TAS2R1: variants seen among roughly 807,000 people sequenced by gnomAD.
The protein encoded by TAS2R1 is taste receptor type 2 member 1.
For synonymous variants in TAS2R1, 141 were observed against 134.2 expected (o/e 1.05, Z -0.35); for missense variants, 370 against 353.4 (o/e 1.05, Z -0.38).
intron 2 of TAS2R1, chr5:9,642,062 G>C (rs375093240): frequency 6.6e-6 from 1 of 152,342 alleles, no homozygotes; most frequent in South Asian, 2.1e-4. Flanking sequence ...TGAGGTAACT[G>C]ACAGGCGGAA....
the TAS2R1 span, among the ~76,000 whole-genome samples, chr5:9,734,078 C>T: frequency 6.6e-6 from 1 of 151,984 alleles, no homozygotes; most frequent in Non-Finnish European, 1.5e-5. Flanking sequence ...GGTCAGAACC[C>T]TCATGAATAG....
the TAS2R1 span, among the ~76,000 whole-genome samples, chr5:9,783,711 T>C: frequency 6.6e-6 from 1 of 152,252 alleles, no homozygotes. Flanking sequence ...CTTTAAAATG[T>C]GAACACCAAA....
the TAS2R1 span, among the ~76,000 whole-genome samples, chr5:9,842,185 T>C: frequency 6.6e-6 from 1 of 152,158 alleles, no homozygotes; most frequent in Non-Finnish European, 1.5e-5. Context: ...AGTCCTGTTT[T>C]TTGGTGTGTC....
intron 1 of TAS2R1, among the ~76,000 whole-genome samples, chr5:9,702,484 AG>A (rs1345814606): frequency 6.6e-6 from 1 of 152,114 alleles, no homozygotes; most frequent in African/African-American, 2.4e-5. Flanking sequence ...GTTGGTGCCG[AG>A]GGGGAAAATC....
intron 1 of TAS2R1, among the ~76,000 whole-genome samples, chr5:9,693,237 G>A (rs554025163): frequency 4.0e-5 from 6 of 151,790 alleles, no homozygotes; most frequent in Admixed American, 1.3e-4. Flanking sequence ...GGCCAGGCGC[G>A]GTGTCTCATG....
At chr5:9,855,508 C>A in the TAS2R1 span, among the ~76,000 whole-genome samples, 1 of 152,210 alleles carries the variant, frequency 6.6e-6, no homozygotes, top group African/African-American at 2.4e-5. Flanking sequence ...AGCGTGCACA[C>A]ATGAGTGCAT....
the TAS2R1 span, among the ~76,000 whole-genome samples, chr5:9,863,884 A>G: frequency 2.3e-4 from 35 of 152,352 alleles, 1 homozygote; most frequent in African/African-American, 7.7e-4. Context: ...GCTCCTTGGG[A>G]CAGTTACCCA....
chr5:9,896,480 T>G, the TAS2R1 span, among the ~76,000 whole-genome samples: 1 of 152,184 alleles, frequency 6.6e-6, no homozygotes, highest in Non-Finnish European at 1.5e-5. Flanking sequence ...GCTGAAGCTC[T>G]GCGAGCCTTG....
chr5:9,711,796 G>A (rs186361460), intron 1 of TAS2R1, among the ~76,000 whole-genome samples: 13 of 151,664 alleles, frequency 8.6e-5, no homozygotes, highest in Admixed American at 3.9e-4. Context: ...CTGAGTAGCT[G>A]GGATTACAGG....
At chr5:9,694,226 A>C (rs1316915384) in intron 1 of TAS2R1, among the ~76,000 whole-genome samples, 1 of 152,234 alleles carries the variant, frequency 6.6e-6, no homozygotes, top group East Asian at 1.9e-4. Context: ...AAGAAAGCAG[A>C]CGACAAATTG....
chr5:9,783,751 A>G, the TAS2R1 span, among the ~76,000 whole-genome samples: 2 of 152,250 alleles, frequency 1.3e-5, no homozygotes, highest in Non-Finnish European at 2.9e-5. Flanking sequence ...AGAAAAGCCA[A>G]AATATTGTTT....
the TAS2R1 span, among the ~76,000 whole-genome samples, chr5:9,739,379 C>A: frequency 7.9e-5 from 12 of 152,202 alleles, no homozygotes; most frequent in Non-Finnish European, 1.6e-4. Context: ...AACTAACCTA[C>A]CCCTGGAGGC....
the TAS2R1 span, among the ~76,000 whole-genome samples, chr5:9,846,941 T>C: frequency 6.6e-6 from 1 of 152,210 alleles, no homozygotes; most frequent in Non-Finnish European, 1.5e-5. Context: ...AGCCTCAAAG[T>C]TGCAGTCTCA....
At chr5:9,707,194 T>C (rs954038965) in intron 1 of TAS2R1, among the ~76,000 whole-genome samples, 2 of 152,086 alleles carry the variant, frequency 1.3e-5, no homozygotes, top group African/African-American at 2.4e-5. Flanking sequence ...TCGGGAAGGA[T>C]TCCCTCAGGC....
the TAS2R1 span, among the ~76,000 whole-genome samples, chr5:9,881,826 C>T: frequency 6.6e-6 from 1 of 152,046 alleles, no homozygotes; most frequent in South Asian, 2.1e-4. Flanking sequence ...TGAAACTGGG[C>T]CCCTTCCTTA....
the TAS2R1 span, among the ~76,000 whole-genome samples, chr5:9,843,639 A>C: frequency 6.6e-6 from 1 of 152,214 alleles, no homozygotes; most frequent in East Asian, 1.9e-4. Flanking sequence ...GTAAACCACG[A>C]AAAATATAAA....
At chr5:9,843,765 C>G in the TAS2R1 span, among the ~76,000 whole-genome samples, 1 of 152,216 alleles carries the variant, frequency 6.6e-6, no homozygotes, top group Non-Finnish European at 1.5e-5. Context: ...AATCCAAGCA[C>G]AGTTTAGTTA....
At chr5:9,820,749 T>A in the TAS2R1 span, among the ~76,000 whole-genome samples, 1 of 152,196 alleles carries the variant, frequency 6.6e-6, no homozygotes, top group Non-Finnish European at 1.5e-5. Context: ...ATGAAACAAA[T>A]TCCTCCTGAA....
intron 1 of TAS2R1, among the ~76,000 whole-genome samples, chr5:9,709,753 C>G (rs1741694317): frequency 6.6e-6 from 1 of 152,178 alleles, no homozygotes; most frequent in Non-Finnish European, 1.5e-5. Context: ...GTCAAGCCCT[C>G]AGCTAACATT....
Sources: gnomAD v4.1 joint callset for allele counts (sites outside exome capture counted in the v4.1 genomes callset) on GRCh38, gnomAD v4.1.1 for gene constraint, MANE v1.5 for transcripts, NCBI Gene and HGNC (gene_info 2026-07-23, HGNC 2026-07-21) for gene names.